ABCA12: variants seen among roughly 807,000 people sequenced by gnomAD.
The protein encoded by ABCA12 is glucosylceramide transporter ABCA12.
A neutral mutation model predicts 293.5 loss-of-function variants in ABCA12; 156 were observed. The ratio of observed to expected loss-of-function variants is 0.53; its 90% CI spans 0.47 to 0.61. The LOEUF is 0.61. Among genes scored for constraint, ABCA12 ranks in the 20% least tolerant of loss-of-function variants. ABCA12 has a pLI of 0.00. For missense variants in ABCA12, 2,797 were observed against 3,090.2 expected (o/e 0.91, Z 2.25); for synonymous variants, 1,063 against 1,108.0 (o/e 0.96, Z 0.81).
chr2:214,943,164 G>T (rs11679293), intron 49 of ABCA12, 147 bp from the exon 50 acceptor site: 254,945 of 649,966 alleles, frequency 0.39, 50,785 homozygotes, highest in South Asian at 0.45. Flanking sequence ...TTGAGATAGG[G>T]TGTCACTCTG....
intron 1 of ABCA12, among the ~76,000 whole-genome samples, chr2:215,126,435 T>C (rs1702924764): frequency 6.6e-6 from 1 of 152,152 alleles, no homozygotes; most frequent in South Asian, 2.1e-4. Context: ...GTCCTGGACT[T>C]TATTTCTGTT....
intron 14 of ABCA12, among the ~76,000 whole-genome samples, chr2:215,017,499 C>A (rs938229080): frequency 3.9e-5 from 6 of 152,092 alleles, no homozygotes; most frequent in Admixed American, 3.3e-4. Flanking sequence ...AAATGGATAT[C>A]CATTTTAATT....
intron 2 of ABCA12, among the ~76,000 whole-genome samples, chr2:215,092,930 A>T (rs1194444979): frequency 6.6e-6 from 1 of 152,144 alleles, no homozygotes; most frequent in East Asian, 1.9e-4. Flanking sequence ...TCAGCAATTT[A>T]TCTGGGCTGT....
intron 2 of ABCA12, chr2:215,085,356 G>T (rs1274498012): frequency 6.6e-6 from 1 of 152,128 alleles, no homozygotes; most frequent in African/African-American, 2.4e-5. Context: ...TGTTAGCCCA[G>T]GCCTGGACTC....
intron 1 of ABCA12, among the ~76,000 whole-genome samples, chr2:215,127,560 CTT>C (rs1251810761): frequency 6.6e-6 from 1 of 152,176 alleles, no homozygotes; most frequent in East Asian, 1.9e-4. Context: ...CTCTTTGTCT[CTT>C]TTAACTGCTG....
chr2:215,088,016 A>G (rs766611625), intron 2 of ABCA12, among the ~76,000 whole-genome samples: 12 of 152,186 alleles, frequency 7.9e-5, no homozygotes, highest in Non-Finnish European at 1.8e-4. Flanking sequence ...AGTGTGATGT[A>G]TGTGACAATG....
chr2:215,031,990 G>GAGAAAATGC, intron 8 of ABCA12, 94 bp from the exon 9 acceptor site: 1 of 1,593,736 alleles, frequency 6.3e-7, no homozygotes, highest in Non-Finnish European at 8.5e-7. Context: ...AATTAATGAG[G>GAGAAAATGC]AGAAAATGCA....
intron 1 of ABCA12, among the ~76,000 whole-genome samples, chr2:215,125,259 T>C (rs1041999367): frequency 2.0e-5 from 3 of 152,166 alleles, no homozygotes; most frequent in African/African-American, 7.2e-5. Context: ...TTTGTTCTTT[T>C]TGTTTAGTCT....
At chr2:215,113,359 A>G (rs1475969429) in intron 1 of ABCA12, among the ~76,000 whole-genome samples, 1 of 152,264 alleles carries the variant, frequency 6.6e-6, no homozygotes, top group East Asian at 1.9e-4. Flanking sequence ...GTTTGAACAT[A>G]GCTTGAAAAG....
intron 44 of ABCA12, among the ~76,000 whole-genome samples, chr2:214,952,959 T>C (rs1367486567): frequency 1.3e-5 from 2 of 152,210 alleles, no homozygotes; most frequent in Non-Finnish European, 2.9e-5. Flanking sequence ...GTACATGTCA[T>C]TAAAATTTAA....
rs151119134 is a variant in ABCA12 at position 215,066,652 on chromosome 2, G to T, written c.164-2433C>A. Among the ~76,000 whole-genome samples the T allele has an allele frequency of 1.7e-3, 263 of 152,160 alleles. 1 individual carries two copies. The highest frequency in any genetic ancestry group is 6.1e-3 in the African/African-American group (252 of 41,526). On this transcript the variant is annotated intron_variant, in intron 2 of 52. Coordinates refer to ENST00000272895, the MANE Select transcript of ABCA12 (RefSeq NM_173076.3). ...GTTTCTTTAAAAATAAACTCCCATGGTGTTGAAAGTATAGACAGTCTATGC... is the reference window on the plus strand; with the variant it reads ...GTTTCTTTAAAAATAAACTCCCATGTTGTTGAAAGTATAGACAGTCTATGC...
intron 2 of ABCA12, among the ~76,000 whole-genome samples, chr2:215,083,883 A>G (rs896170437): frequency 2.0e-5 from 3 of 152,066 alleles, no homozygotes; most frequent in Admixed American, 1.3e-4. Flanking sequence ...ATCATTTGGT[A>G]TGGTTTGGTC....
intron 22 of ABCA12, among the ~76,000 whole-genome samples, chr2:215,000,362 A>G (rs554566093): frequency 6.6e-6 from 1 of 152,292 alleles, no homozygotes; most frequent in South Asian, 2.1e-4. Flanking sequence ...CATCCCTTTC[A>G]TTTGACTAGA....
intron 34 of ABCA12, among the ~76,000 whole-genome samples, 186 bp from the exon 35 acceptor site, chr2:214,975,050 A>G (rs1037548404): frequency 6.6e-6 from 1 of 152,126 alleles, no homozygotes; most frequent in Admixed American, 6.5e-5. Flanking sequence ...ATGCAACCTC[A>G]GCCTCCCGGG....
intron 8 of ABCA12, among the ~76,000 whole-genome samples, chr2:215,035,074 T>C (rs1700963012): frequency 6.6e-6 from 1 of 152,206 alleles, no homozygotes; most frequent in Non-Finnish European, 1.5e-5. Context: ...ACCCCAGTGC[T>C]GTTGAACTGT....
chr2:214,988,174 CAT>C (rs1699828699), intron 26 of ABCA12, among the ~76,000 whole-genome samples: 1 of 152,172 alleles, frequency 6.6e-6, no homozygotes, highest in African/African-American at 2.4e-5. Flanking sequence ...TCCAAACAGA[CAT>C]GTGTAGACAT....
chr2:214,978,325 C>T lies in ABCA12; in HGVS notation c.5119G>A (p.Asp1707Asn). 6.2e-7 allele frequency: 1 copy of T among 1,614,014 alleles called. No homozygotes were observed. The highest frequency in any genetic ancestry group is 8.5e-7 in the Non-Finnish European group (1 of 1,179,940). ...CACATTAGATTCATACCATCTCTGT[C>T]TGTGAAATTGCTGCTGCTCACAGAT... ...DLSVSSSNFT[D>N]RDDKILTRGE... is the part of the protein sequence containing the mutation. The change falls in exon 33 of 53, where the codon GAC (aspartate) becomes AAC (asparagine). Residue 1707 changes from aspartate to asparagine, a missense_variant. By Grantham distance (23) the Asp-to-Asn change is conservative. This residue lies in a region of ABCA12 where 2,130 missense variants were observed against 2,427.0 expected (regional missense o/e 0.88). Transcript: ENST00000272895.
rs758686456 is a variant in ABCA12, at chr2:215,031,914, A to G, written c.986-18T>C. 3.1e-6 allele frequency: 5 copies of G among 1,613,084 alleles called. No homozygotes were observed. The highest frequency in any genetic ancestry group is 4.2e-6 in the Non-Finnish European group (5 of 1,179,754). On this transcript the variant is annotated intron_variant, in intron 8 of 52. Coordinates refer to ENST00000272895, the MANE Select transcript of ABCA12 (RefSeq NM_173076.3). ...GGAGTCACCTGAAGTAATAATTTTT[A>G]TATAGGTAAACATTTAACATGTTTG...
chr2:214,974,720 TGC>T, intron 35 of ABCA12, 56 bp downstream of exon 35: 1 of 1,499,592 alleles, frequency 6.7e-7, no homozygotes, highest in Non-Finnish European at 9.3e-7. Context: ...CACATACACA[TGC>T]ACACACTCAA....
Sources: gnomAD v4.1 joint callset for allele counts (sites outside exome capture counted in the v4.1 genomes callset) on GRCh38, gnomAD v4.1.1 for gene constraint, gnomAD v4.1.1 regional missense constraint, MANE v1.5 for transcripts, NCBI Gene and HGNC (gene_info 2026-07-23, HGNC 2026-07-21) for gene names.